MYCBP2: variants seen among roughly 807,000 people sequenced by gnomAD.
MYCBP2 encodes the protein MYC binding protein 2.
Under a neutral mutation model 525.3 loss-of-function variants are expected in MYCBP2, and 120 were observed. The observed-to-expected ratio is 0.23, with a 90% CI of 0.20 to 0.27. The LOEUF is 0.27. Among genes scored for constraint, MYCBP2 ranks in the 10% least tolerant of loss-of-function variants. The pLI is 1.00. For synonymous variants in MYCBP2, 1,894 were observed against 1,955.8 expected, an observed-to-expected ratio of 0.97 and a Z score of 0.83; for missense variants, 4,149 against 5,657.1, an observed-to-expected ratio of 0.73 and a Z score of 8.55.
intron 76 of MYCBP2, among the ~76,000 whole-genome samples, chr13:77,060,640 CTTTTG>C (rs1354811691): frequency 6.6e-6 from 1 of 151,884 alleles, no homozygotes; most frequent in Non-Finnish European, 1.5e-5. Context: ...CATAGGTTAC[CTTTTG>C]TTTTATGTCT....
At chr13:77,273,419 A>G in intron 5 of MYCBP2, 53 bp downstream of exon 5, 2 of 1,473,082 alleles carry the variant, frequency 1.4e-6, no homozygotes, top group African/African-American at 1.4e-5. Context: ...AATTGAGACG[A>G]AACTGTAACT....
At chr13:77,129,764 A>C (rs1198430191) in intron 52 of MYCBP2, 1 of 151,908 alleles carries the variant, frequency 6.6e-6, no homozygotes, top group African/African-American at 2.4e-5. Flanking sequence ...CATTTTTTTC[A>C]ATTTTCCTTC....
chr13:77,185,948 A>G lies in MYCBP2; in HGVS notation c.4367T>C (p.Leu1456Ser). The G allele has an allele frequency of 6.2e-7, 1 of 1,613,854 alleles. No homozygotes were observed. The change falls in exon 31 of 83, where the codon TTA becomes TCA. Residue 1456 changes from leucine to serine, a missense_variant. Transcript: ENST00000544440. ...GFQFTATLLD[L>S]ERLRFVGTCC... ...GGTACCCACAAAGCGCAGTCTCTCT[A>G]AATCTAGGAGTGTAGCTGTGAACTG...
Position 77,098,093 on chromosome 13 carries a change from G to A in MYCBP2, c.9061C>T (p.Gln3021Ter). The A allele has an allele frequency of 6.2e-7, 1 of 1,607,268 alleles. No individual in the cohort carries two copies. The highest frequency in any genetic ancestry group is 8.5e-7 in the Non-Finnish European group (1 of 1,178,062). ...TCGGCCACAGAAGGAGACATGGCTT[G>A]CTTGGCTGGCTCTAAAGGCTTGGAT... ...DGSKPLEPAK[Q>*]AMSPSVAECA... The change falls in exon 56 of 83, where the codon CAA becomes TAA. Residue 3021 changes from glutamine to a stop codon, truncating the protein, a stop_gained. Coordinates refer to ENST00000544440, the MANE Select transcript of MYCBP2 (RefSeq NM_015057.5). LOFTEE classifies it high-confidence loss of function.
chr13:77,242,610 G>A (rs932194000), intron 17 of MYCBP2, among the ~76,000 whole-genome samples: 1 of 152,148 alleles, frequency 6.6e-6, no homozygotes, highest in Non-Finnish European at 1.5e-5. Flanking sequence ...AGCATAGCAG[G>A]ACTATGTCCA....
intron 74 of MYCBP2, among the ~76,000 whole-genome samples, chr13:77,062,051 A>C (rs1246284339): frequency 6.6e-6 from 1 of 152,218 alleles, no homozygotes; most frequent in Non-Finnish European, 1.5e-5. Flanking sequence ...GAGACTTAAG[A>C]AATGTCTGCC....
chr13:77,075,089 T>G (rs2154093752), intron 68 of MYCBP2, among the ~76,000 whole-genome samples: 1 of 152,306 alleles, frequency 6.6e-6, no homozygotes, highest in South Asian at 2.1e-4. Flanking sequence ...GCACCTGTAG[T>G]TCCAGCTACT....
At chr13:77,324,381 T>C (rs2082050895) in intron 1 of MYCBP2, among the ~76,000 whole-genome samples, 1 of 152,220 alleles carries the variant, frequency 6.6e-6, no homozygotes, top group Non-Finnish European at 1.5e-5. Flanking sequence ...CATCTTCTCC[T>C]TTAACTTGTG....
At chr13:77,103,773 G>A (rs2047433965) in intron 55 of MYCBP2, among the ~76,000 whole-genome samples, 1 of 151,884 alleles carries the variant, frequency 6.6e-6, no homozygotes, top group Non-Finnish European at 1.5e-5. Context: ...TAATTTTCCA[G>A]TATGTATCTC....
intron 18 of MYCBP2, among the ~76,000 whole-genome samples, chr13:77,230,577 T>G (rs952885295): frequency 6.6e-6 from 1 of 152,212 alleles, no homozygotes; most frequent in Non-Finnish European, 1.5e-5. Flanking sequence ...AACATGAAAT[T>G]CATTGATATT....
intron 55 of MYCBP2, among the ~76,000 whole-genome samples, chr13:77,102,269 T>C (rs1387355612): frequency 1.3e-5 from 2 of 151,778 alleles, no homozygotes; most frequent in South Asian, 2.1e-4. Flanking sequence ...CTATATACTA[T>C]ATAGCACAGG....
chr13:77,298,939 G>C (rs1223000701), intron 1 of MYCBP2, among the ~76,000 whole-genome samples: 1 of 152,164 alleles, frequency 6.6e-6, no homozygotes, highest in Non-Finnish European at 1.5e-5. Context: ...TCAATGTGAA[G>C]CATCAGGGAT....
chr13:77,222,542 G>T (rs916057733), intron 20 of MYCBP2, among the ~76,000 whole-genome samples: 1 of 152,014 alleles, frequency 6.6e-6, no homozygotes, highest in African/African-American at 2.4e-5. Flanking sequence ...TCAGCTCGAA[G>T]GGTAGAGAGT....
At chr13:77,102,016 T>C (rs1420022362) in intron 55 of MYCBP2, among the ~76,000 whole-genome samples, 1 of 151,972 alleles carries the variant, frequency 6.6e-6, no homozygotes, top group Non-Finnish European at 1.5e-5. Context: ...AACATTTTTC[T>C]AACTTTAAAG....
At chr13:77,138,643 T>C (rs1055990737) in intron 52 of MYCBP2, among the ~76,000 whole-genome samples, 20 of 152,074 alleles carry the variant, frequency 1.3e-4, no homozygotes, top group African/African-American at 4.6e-4. Context: ...TCTACTATAC[T>C]CAACAAGGAG....
At chr13:77,144,057 T>C (rs2055124928) in intron 49 of MYCBP2, 1 of 203,680 alleles carries the variant, frequency 4.9e-6, no homozygotes, top group Non-Finnish European at 1.0e-5. Flanking sequence ...TTCATCCATA[T>C]TTGCTGTCAT....
chr13:77,093,596 G>A (rs895743916), intron 58 of MYCBP2, among the ~76,000 whole-genome samples: 18 of 152,120 alleles, frequency 1.2e-4, no homozygotes, highest in African/African-American at 4.3e-4. Flanking sequence ...GTGTTTTGGT[G>A]AATAAGCCCA....
chr13:77,180,419 C>T (rs1448271485), intron 33 of MYCBP2, 101 bp from the exon 34 acceptor site: 1 of 990,060 alleles, frequency 1.0e-6, no homozygotes, highest in Non-Finnish European at 1.5e-6. Context: ...AAAATTCAGA[C>T]TTGAATCAGG....
In MYCBP2 at chr13:77,263,795, AAAAAT is replaced by A; in HGVS notation, c.1432-11_1432-7del. 6.2e-7 allele frequency: 1 copy of A among 1,612,800 alleles called. No individual in the cohort carries two copies. The highest frequency in any genetic ancestry group is 1.1e-5 in the South Asian group (1 of 91,004). ...ATTCTGACAACAAAGCCATCCTAAG[AAAAAT>A]AAAACATCCACAGCATTACATTACA... On this transcript the variant is annotated splice_region_variant and splice_polypyrimidine_tract_variant and intron_variant, in intron 9 of 82. Coordinates refer to ENST00000544440, the MANE Select transcript of MYCBP2 (RefSeq NM_015057.5).
Sources: gnomAD v4.1 joint callset for allele counts (sites outside exome capture counted in the v4.1 genomes callset) on GRCh38, gnomAD v4.1.1 for gene constraint, MANE v1.5 for transcripts, NCBI Gene and HGNC (gene_info 2026-07-23, HGNC 2026-07-21) for gene names.